Variants in RMDN2 observed in about 807,000 individuals in gnomAD.
RMDN2 encodes the protein regulator of microtubule dynamics 2, also known as regulator of microtubule dynamics protein 2.
A neutral mutation model predicts 52.8 loss-of-function variants in RMDN2; 61 were observed. That is an observed-to-expected ratio of 1.16 (90% CI 0.94 to 1.43). The LOEUF is 1.43. Ranked by LOEUF, RMDN2 falls within the 40% of genes most tolerant of loss-of-function variation. RMDN2 has a pLI of 0.00. For missense variants in RMDN2, 592 were observed against 475.3 expected, an observed-to-expected ratio of 1.25 and a Z score of -2.28; for synonymous variants, 180 against 153.1, an observed-to-expected ratio of 1.18 and a Z score of -1.30.
At chr2:38,006,248 T>TG (rs1157078318) in intron 10 of RMDN2, among the ~76,000 whole-genome samples, 1 of 152,170 alleles carries the variant, frequency 6.6e-6, no homozygotes, top group East Asian at 1.9e-4. Context: ...AGAAAGTCAT[T>TG]GGTAGCTTGA....
chr2:37,962,082 AC>A (rs1670313067), intron 2 of RMDN2, among the ~76,000 whole-genome samples: 1 of 152,122 alleles, frequency 6.6e-6, no homozygotes, highest in Non-Finnish European at 1.5e-5. Flanking sequence ...CCAGAGGGCC[AC>A]CCACCAGATG....
intron 8 of RMDN2, among the ~76,000 whole-genome samples, chr2:38,000,751 G>C (rs1239403062): frequency 6.6e-6 from 1 of 152,164 alleles, no homozygotes; most frequent in Admixed American, 6.5e-5. Context: ...CTTACTGATA[G>C]ACATTTGAGT....
intron 2 of RMDN2, chr2:37,953,218 C>G (rs1669057887): frequency 6.6e-6 from 1 of 151,766 alleles, no homozygotes; most frequent in African/African-American, 2.4e-5. Context: ...CTATCTTAAC[C>G]ATTTTAAAAT....
chr2:38,013,093 T>C (rs1678235643), intron 10 of RMDN2, among the ~76,000 whole-genome samples: 1 of 152,234 alleles, frequency 6.6e-6, no homozygotes, highest in South Asian at 2.1e-4. Context: ...TGTGGACTTT[T>C]CTTGACCCTA....
rs1670669724 is a variant in RMDN2 at position 37,963,982 on chromosome 2, GCGGGGGC to G, written c.453-10057_453-10051del. Among the ~76,000 whole-genome samples the G allele has an allele frequency of 9.3e-5, 14 of 151,140 alleles. No individual in the cohort carries two copies. The South Asian group carries it at 1.9e-3, about 20-fold the overall frequency. On this transcript the variant is annotated intron_variant, in intron 2 of 10. Coordinates refer to ENST00000354545, the MANE Select transcript of RMDN2 (RefSeq NM_001170791.3). Reference sequence around the variant, plus strand: ...CCTCCCGGACAGGGCGGCTGGCCGGGCGGGGGCTGCCCCCCACCTCCCTCCCGGACGG... The same window carrying G: ...CCTCCCGGACAGGGCGGCTGGCCGGGTGCCCCCCACCTCCCTCCCGGACGG...
chr2:38,021,272 T>A (rs991631356), downstream of RMDN2, among the ~76,000 whole-genome samples: 1 of 152,178 alleles, frequency 6.6e-6, no homozygotes, highest in Non-Finnish European at 1.5e-5. Context: ...ATCAGCTCTC[T>A]GTAAAACAGA....
At chr2:38,005,633 T>C (rs1434979596) in intron 10 of RMDN2, among the ~76,000 whole-genome samples, 1 of 152,340 alleles carries the variant, frequency 6.6e-6, no homozygotes, top group African/African-American at 2.4e-5. Flanking sequence ...TTGCAAAAAT[T>C]TTCTCCCATT....
At chr2:37,944,810 TTA>T (rs1307280500) in intron 2 of RMDN2, among the ~76,000 whole-genome samples, 7 of 152,202 alleles carry the variant, frequency 4.6e-5, no homozygotes, top group African/African-American at 1.4e-4. Flanking sequence ...AACATATATT[TTA>T]TGTTTCACTT....
intron 2 of RMDN2, among the ~76,000 whole-genome samples, chr2:37,948,603 C>A (rs1410781139): frequency 6.6e-6 from 1 of 152,088 alleles, no homozygotes; most frequent in Non-Finnish European, 1.5e-5. Context: ...AATTTTGGTT[C>A]TCTTAAAAAG....
At chr2:37,961,319 G>T (rs145151980) in intron 2 of RMDN2, among the ~76,000 whole-genome samples, 1 of 151,934 alleles carries the variant, frequency 6.6e-6, no homozygotes, top group Admixed American at 6.6e-5. Flanking sequence ...TCACTTTCAG[G>T]TACACCAATC....
rs569815359 is a variant in RMDN2, at chr2:38,004,522, A to G, written c.1179+306A>G. 7.9e-5 allele frequency among the ~76,000 whole-genome samples: 12 copies of G among 152,232 alleles called. No individual in the cohort carries two copies. The East Asian group carries it at 2.3e-3, about 29-fold the overall frequency. On this transcript the variant is annotated intron_variant, in intron 10 of 10. Coordinates refer to ENST00000354545, the MANE Select transcript of RMDN2 (RefSeq NM_001170791.3). ...CACTCTCTTAGCAAATTTCAAATAT[A>G]CAATACAGTATTATTAACTACAGTC...
intron 10 of RMDN2, among the ~76,000 whole-genome samples, chr2:38,025,218 A>C (rs1311970899): frequency 2.0e-5 from 3 of 152,016 alleles, no homozygotes; most frequent in African/African-American, 7.2e-5. Flanking sequence ...CAGGTCTTTC[A>C]CATTTTTGTC....
At chr2:38,017,840 A>C (rs953904352), downstream of RMDN2, 1 of 204,192 alleles carries the variant, frequency 4.9e-6, no homozygotes, top group Non-Finnish European at 1.0e-5. Context: ...CTGAGTCCGA[A>C]AAGAGAGTCA....
At position 37,943,751 on chromosome 2, in the gene RMDN2, C is replaced by T. The variant is rs142778275; in HGVS notation, c.452+14022C>T. ...TTCATGTTAAACTGCAGTTAAACTC[C>T]TCCCCTATCCTTCTAAATTAACTTT... On this transcript the variant is annotated intron_variant, in intron 2 of 10. Coordinates refer to ENST00000354545, the MANE Select transcript of RMDN2 (RefSeq NM_001170791.3). Among the ~76,000 whole-genome samples, 1,085 of 152,224 alleles carry T rather than the reference C, an allele frequency of 7.1e-3. 15 individuals are homozygous for T. Among genetic ancestry groups the T allele is most frequent in the African/African-American group, 0.025 (1,019 of 41,514 alleles).
intron 10 of RMDN2, among the ~76,000 whole-genome samples, chr2:38,025,069 T>C (rs964094156): frequency 1.3e-5 from 2 of 152,102 alleles, no homozygotes; most frequent in Non-Finnish European, 2.9e-5. Context: ...AAAAAAGTGG[T>C]TGTGATTTTT....
At chr2:37,943,839 C>G (rs1263375699) in intron 2 of RMDN2, among the ~76,000 whole-genome samples, 1 of 151,790 alleles carries the variant, frequency 6.6e-6, no homozygotes, top group East Asian at 1.9e-4. Flanking sequence ...TTTTTTTCAC[C>G]CTGACTTTAT....
chr2:37,927,521 T>C (rs1231993265), intron 1 of RMDN2, among the ~76,000 whole-genome samples: 2 of 152,268 alleles, frequency 1.3e-5, no homozygotes, highest in African/African-American at 4.8e-5. Flanking sequence ...GGTAGATTTT[T>C]ACTTCTACTT....
chr2:38,038,651 C>A (rs1326347470), intron 10 of RMDN2, among the ~76,000 whole-genome samples: 1 of 152,220 alleles, frequency 6.6e-6, no homozygotes, highest in Admixed American at 6.5e-5. Flanking sequence ...CTATTCACAG[C>A]ATCTAGAATA....
chr2:37,967,560 A>G (rs539827492), intron 2 of RMDN2, among the ~76,000 whole-genome samples: 69 of 152,372 alleles, frequency 4.5e-4, no homozygotes, highest in African/African-American at 1.5e-3. Flanking sequence ...TTGACTTTCT[A>G]GAAGACCAAA....
Sources: gnomAD v4.1 joint callset for allele counts (sites outside exome capture counted in the v4.1 genomes callset) on GRCh38, gnomAD v4.1.1 for gene constraint, MANE v1.5 for transcripts, NCBI Gene and HGNC (gene_info 2026-07-23, HGNC 2026-07-21) for gene names.